The following COL27A1 variants were observed in gnomAD, a reference collection of about 807,000 sequenced individuals.
COL27A1 encodes the protein collagen type XXVII alpha 1 chain, also known as collagen alpha-1(XXVII) chain.
A neutral mutation model predicts 251.3 loss-of-function variants in COL27A1; 106 were observed. That is an observed-to-expected ratio of 0.42 (90% CI 0.36 to 0.50). COL27A1 has a LOEUF of 0.50. Among genes scored for constraint, COL27A1 ranks in the 20% least tolerant of loss-of-function variants. COL27A1 has a pLI of 0.00. For missense variants in COL27A1, 2,325 were observed against 2,522.8 expected (o/e 0.92, Z 1.68); for synonymous variants, 1,000 against 986.3 (o/e 1.01, Z -0.26).
chr9:114,233,421 C>T (rs957728188), intron 16 of COL27A1, among the ~76,000 whole-genome samples: 2 of 147,514 alleles, frequency 1.4e-5, no homozygotes, highest in Non-Finnish European at 2.9e-5. Flanking sequence ...GCCCAAGCCT[C>T]CAGCCACAAC....
chr9:114,201,203 G>A (rs958730538), intron 7 of COL27A1, among the ~76,000 whole-genome samples: 7 of 152,202 alleles, frequency 4.6e-5, no homozygotes, highest in African/African-American at 9.7e-5. Context: ...CAGACACCAC[G>A]TTCCCTGGAG....
chr9:114,297,786 C>T (rs1828355365), intron 49 of COL27A1, among the ~76,000 whole-genome samples: 1 of 152,086 alleles, frequency 6.6e-6, no homozygotes, highest in South Asian at 2.1e-4. Context: ...TCCACTGTTA[C>T]CACTTCTATT....
At chr9:114,305,453 G>A (rs541854368) in intron 57 of COL27A1, among the ~76,000 whole-genome samples, 5 of 152,186 alleles carry the variant, frequency 3.3e-5, no homozygotes, top group Non-Finnish European at 7.4e-5. Context: ...ACAGGAGAGC[G>A]CTGACCTGCA....
intron 37 of COL27A1, among the ~76,000 whole-genome samples, chr9:114,278,580 G>A (rs1835704392): frequency 7.3e-6 from 1 of 137,608 alleles, no homozygotes. Flanking sequence ...TGGTGGTCAT[G>A]GCAGTGGTGG....
At chr9:114,264,195 G>A (rs1034636133) in intron 28 of COL27A1, among the ~76,000 whole-genome samples, 160 bp from the exon 29 acceptor site, 3 of 152,216 alleles carry the variant, frequency 2.0e-5, no homozygotes, top group African/African-American at 7.2e-5. Flanking sequence ...GCTGCACGAG[G>A]GTGACCACCT....
chr9:114,225,878 T>C (rs371565438), intron 14 of COL27A1, among the ~76,000 whole-genome samples: 18 of 152,222 alleles, frequency 1.2e-4, no homozygotes, highest in Middle Eastern at 3.2e-3. Context: ...GTCTGCTATG[T>C]GTGCAACACA....
intron 2 of COL27A1, among the ~76,000 whole-genome samples, chr9:114,163,982 A>G (rs531602755): frequency 1.3e-5 from 2 of 152,108 alleles, no homozygotes; most frequent in South Asian, 4.2e-4. Context: ...CCTGTCCCCC[A>G]TCTCTTCACC....
intron 37 of COL27A1, 129 bp downstream of exon 37, chr9:114,275,897 C>T (rs1835471277): frequency 1.6e-6 from 1 of 616,548 alleles, no homozygotes; most frequent in East Asian, 2.9e-5. Flanking sequence ...GTCCTTTCTC[C>T]ACCTGGCAGT....
chr9:114,230,146 C>T (rs1831837640), intron 14 of COL27A1, among the ~76,000 whole-genome samples: 1 of 152,168 alleles, frequency 6.6e-6, no homozygotes, highest in African/African-American at 2.4e-5. Context: ...GAGTGAGTCC[C>T]AGAGGAGAGT....
chr9:114,235,787 T>G, intron 17 of COL27A1, 135 bp downstream of exon 17: 1 of 717,502 alleles, frequency 1.4e-6, no homozygotes, highest in Admixed American at 2.0e-5. Context: ...TAATCCAGTC[T>G]TCTCCATCCT....
rs917421528 is a variant in COL27A1 at position 114,304,730 on chromosome 9, T to C, written c.4938+57T>C. ...CCTTCCTGGGAGAAACGCAAATAGA[T>C]AATGGCCCACATGTGGTCAGTGCCT... On this transcript the variant is annotated intron_variant, in intron 57 of 60. Coordinates refer to ENST00000356083, the MANE Select transcript of COL27A1 (RefSeq NM_032888.4). 3.4e-6 allele frequency: 5 copies of C among 1,479,738 alleles called. No individual in the cohort carries two copies. The African/African-American group carries it at 6.9e-5, about 20-fold the overall frequency. 91.7% of individuals were successfully genotyped at this position (1,479,738 alleles called of 1,614,324 possible).
chr9:114,206,705 C>T (rs1175098239), intron 10 of COL27A1, among the ~76,000 whole-genome samples: 1 of 152,196 alleles, frequency 6.6e-6, no homozygotes, highest in African/African-American at 2.4e-5. Context: ...GTGGAGGGCA[C>T]CTGGTGTGGG....
In COL27A1 at chr9:114,205,767, A is replaced by G. The variant is rs1564466617; in HGVS notation, c.2178A>G (p.Pro726=). ...TCTCTGTTCCTTTGCAGGGGCAGCC[A>G]GGACCTGAGGGCAGCCCAGGGGCCA... ...PAGHPGEQGQ[P]GPEGSPGAKG... Residue 726 remains proline (P), a synonymous_variant, in exon 9 of 61, where the codon CCA becomes CCG. Transcript: ENST00000356083. 3 of 1,614,086 alleles carry G rather than the reference A, an allele frequency of 1.9e-6. No homozygotes were observed. Among genetic ancestry groups the G allele is most frequent in the Non-Finnish European group, 1.7e-6 (2 of 1,179,950 alleles).
At chr9:114,264,309 G>A in intron 28 of COL27A1, 46 bp from the exon 29 acceptor site, 2 of 1,486,198 alleles carry the variant, frequency 1.3e-6, no homozygotes, top group Non-Finnish European at 9.1e-7. Flanking sequence ...TCCGCCCGAG[G>A]GAGACCCCTG....
chr9:114,301,659 CT>C, intron 54 of COL27A1, 22 bp from the exon 55 acceptor site: 2 of 1,598,682 alleles, frequency 1.3e-6, no homozygotes, highest in Non-Finnish European at 8.5e-7. Context: ...CCAGGGCTCA[CT>C]CTTCTTCTCT....
rs2135087430 is a variant in COL27A1, at chr9:114,169,277, G to A, written c.1722G>A (p.Arg574=). 6.2e-7 allele frequency: 1 copy of A among 1,612,482 alleles called. No homozygotes were observed. The highest frequency in any genetic ancestry group is 8.5e-7 in the Non-Finnish European group (1 of 1,179,190). Residue 574 remains arginine (R), a synonymous_variant, in exon 3 of 61, where the codon AGG becomes AGA. Transcript: ENST00000356083. ...TCCCCTTGAGCGATCTGACAACCAGGCCTAGCCCCAGACAGCCCCAGCCCA... is the reference window on the plus strand; with the variant it reads ...TCCCCTTGAGCGATCTGACAACCAGACCTAGCCCCAGACAGCCCCAGCCCA... ...RDVPLSDLTT[R]PSPRQPQPSQ...
Position 114,290,284 on chromosome 9 carries a change from G to A in COL27A1, c.4321G>A (p.Ala1441Thr), listed in dbSNP as rs372565180. ...GGGGAGACAGGGCCTCGAGGGCATCGCTGGACCAGATGGGCTTCCTGGCAG... is the reference window on the plus strand; with the variant it reads ...GGGGAGACAGGGCCTCGAGGGCATCACTGGACCAGATGGGCTTCCTGGCAG... ...VVGRQGLEGIAGPDGLPGRDG... is the reference protein window; with the variant it reads ...VVGRQGLEGITGPDGLPGRDG... The change falls in exon 47 of 61, where the codon GCT becomes ACT. Residue 1441 changes from alanine to threonine, a missense_variant. Physicochemically the swap from Ala to Thr is moderately conservative, Grantham distance 58 (BLOSUM62 0). Coordinates refer to ENST00000356083, the MANE Select transcript of COL27A1 (RefSeq NM_032888.4). This position sits in a 1 kb window ranked among gnomAD's most constrained non-coding sequence, Gnocchi z 4.6. The A allele has an allele frequency of 6.3e-6, 10 of 1,582,422 alleles. No homozygotes were observed. In the African/African-American group the frequency reaches 6.7e-5, roughly 11 times the overall value.
In COL27A1 at chr9:114,215,401, C is replaced by T. The variant is rs142191783; in HGVS notation, c.2367+4375C>T. ...GAGCTGGGGGTGTGGTCTCCAGTGA[C>T]CCAGATGTGAACCAGAGCTGACCCA... On this transcript the variant is annotated intron_variant, in intron 12 of 60. Transcript: ENST00000356083. Among the ~76,000 whole-genome samples, 338 of 152,282 alleles carry T rather than the reference C, an allele frequency of 2.2e-3. 2 individuals are homozygous for T. Among genetic ancestry groups the T allele is most frequent in the African/African-American group, 7.7e-3 (319 of 41,562 alleles).
intron 12 of COL27A1, chr9:114,218,019 C>T (rs1480897118): frequency 1.7e-5 from 6 of 354,748 alleles, no homozygotes; most frequent in Non-Finnish European, 3.3e-5. Flanking sequence ...GAGGCTGAGG[C>T]GGCAGGATCA....
Sources: gnomAD v4.1 joint callset for allele counts (sites outside exome capture counted in the v4.1 genomes callset) on GRCh38, gnomAD v4.1.1 for gene constraint, Gnocchi (gnomAD v3.1) non-coding constraint, MANE v1.5 for transcripts, NCBI Gene and HGNC (gene_info 2026-07-23, HGNC 2026-07-21) for gene names.